The following NTMT2 variants were observed in gnomAD, a reference collection of about 807,000 sequenced individuals.
NTMT2 encodes the protein N-terminal Xaa-Pro-Lys N-methyltransferase 2.
Under a neutral mutation model 23.4 loss-of-function variants are expected in NTMT2, and 21 were observed. The observed-to-expected ratio is 0.90, with a 90% CI of 0.64 to 1.29. NTMT2 has a LOEUF of 1.29. Among genes scored for constraint, NTMT2 ranks in the 50% most tolerant of loss-of-function variants. NTMT2 has a pLI of 0.00. For synonymous variants in NTMT2, 131 were observed against 127.7 expected (o/e 1.03, Z -0.17); for missense variants, 336 against 352.0 (o/e 0.95, Z 0.36).
At chr1:170,158,494 G>T (rs1352791445) in intron 1 of NTMT2, among the ~76,000 whole-genome samples, 2 of 151,420 alleles carry the variant, frequency 1.3e-5, no homozygotes, top group Non-Finnish European at 2.9e-5. Flanking sequence ...ATGACTTTTA[G>T]ATCTTCTTAC....
chr1:170,157,184 G>A lies in NTMT2; in HGVS notation c.155-3334G>A, dbSNP rs114136464. Among the ~76,000 whole-genome samples, 1,115 of 152,228 alleles carry A rather than the reference G, an allele frequency of 7.3e-3. 13 individuals carry two copies. Among genetic ancestry groups the A allele is most frequent in the African/African-American group, 0.025 (1,057 of 41,544 alleles). On this transcript the variant is annotated intron_variant, in intron 1 of 3. Transcript: ENST00000439373. Reference sequence around the variant, plus strand: ...CGTATACCCTTTACCAAGTGCTAGGGAAGGGAGATTGGTGTTGATCCATGG... The same window carrying A: ...CGTATACCCTTTACCAAGTGCTAGGAAAGGGAGATTGGTGTTGATCCATGG...
In NTMT2 at chr1:170,160,696, G is replaced by A. The variant is rs1374129510; in HGVS notation, c.330+3G>A. 1.2e-5 allele frequency: 19 copies of A among 1,527,148 alleles called. No individual in the cohort carries two copies. Among genetic ancestry groups the A allele is most frequent in the Non-Finnish European group, 1.6e-5 (18 of 1,138,454 alleles). The allele number at this position is 1,527,148 out of a possible 1,614,324, so 94.6% of individuals were successfully genotyped here. A position where few individuals can be genotyped will look rare whatever the true frequency, so the allele number is the denominator to read the frequency against. ...AATTTCTTAGGAAATTTGTTGGGGT[G>A]AGTTATTCAACTGCAGCTTGATGAG... On this transcript the variant is annotated splice_donor_region_variant and intron_variant, in intron 2 of 3. Coordinates refer to ENST00000439373, the MANE Select transcript of NTMT2 (RefSeq NM_001136107.2).
chr1:170,166,408 T>C, intron 2 of NTMT2, 94 bp from the exon 3 acceptor site: 1 of 1,387,296 alleles, frequency 7.2e-7, no homozygotes, highest in Non-Finnish European at 9.8e-7. Flanking sequence ...CCCAAAGTGC[T>C]GGGATTACAA....
chr1:170,149,133 A>G (rs1444130080), intron 1 of NTMT2, among the ~76,000 whole-genome samples: 2 of 152,258 alleles, frequency 1.3e-5, no homozygotes, highest in Non-Finnish European at 2.9e-5. Context: ...AAAGGATTCA[A>G]ATATTAATAA....
At chr1:170,154,565 C>T (rs774950091) in intron 1 of NTMT2, among the ~76,000 whole-genome samples, 7 of 152,226 alleles carry the variant, frequency 4.6e-5, no homozygotes, top group African/African-American at 1.7e-4. Context: ...TGTGAGGGAC[C>T]TTTAACCCCT....
Position 170,148,321 on chromosome 1 carries a change from T to A in NTMT2, c.154+2060T>A, listed in dbSNP as rs139730637. On this transcript the variant is annotated intron_variant, in intron 1 of 3. Transcript: ENST00000439373. ...CCGCTACCATGCCCGGCTATTTTTT[T>A]TTTTTATTTTTAGTAGAGACGGGGT... Among the ~76,000 whole-genome samples the A allele has an allele frequency of 7.4e-3, 1,125 of 151,750 alleles. 12 individuals carry two copies. Among genetic ancestry groups the A allele is most frequent in the African/African-American group, 0.026 (1,078 of 41,364 alleles).
chr1:170,162,558 T>C (rs1309062835), intron 2 of NTMT2, among the ~76,000 whole-genome samples: 1 of 152,246 alleles, frequency 6.6e-6, no homozygotes, highest in Non-Finnish European at 1.5e-5. Context: ...TCTAAATCAG[T>C]GCTGCTGACT....
In NTMT2 at chr1:170,167,879, G is replaced by A; in HGVS notation, c.*122G>A. The A allele has an allele frequency of 1.9e-6, 2 of 1,036,152 alleles. No homozygotes were observed. The highest frequency in any genetic ancestry group is 6.0e-5 in the Admixed American group (2 of 33,452). 64.2% of individuals were successfully genotyped at this position (1,036,152 alleles called of 1,614,324 possible). ...AAGAAAAGGGATACAACATATGTCT[G>A]CAAATTATTTGTGATATAATATGTA... On this transcript the variant is annotated 3_prime_UTR_variant, in exon 4 of 4. Coordinates refer to ENST00000439373, the MANE Select transcript of NTMT2 (RefSeq NM_001136107.2).
chr1:170,152,643 G>A (rs1673092082), intron 1 of NTMT2, among the ~76,000 whole-genome samples: 1 of 152,030 alleles, frequency 6.6e-6, no homozygotes, highest in African/African-American at 2.4e-5. Flanking sequence ...CAGAGACTTG[G>A]TAATGACAGC....
intron 2 of NTMT2, among the ~76,000 whole-genome samples, chr1:170,165,307 C>T (rs1454810806): frequency 2.6e-5 from 4 of 152,202 alleles, no homozygotes; most frequent in Non-Finnish European, 5.9e-5. Flanking sequence ...ACCTCCACCA[C>T]CTTGCCATCC....
chr1:170,158,714 T>A (rs1199216478), intron 1 of NTMT2, among the ~76,000 whole-genome samples: 1 of 152,052 alleles, frequency 6.6e-6, no homozygotes, highest in African/African-American at 2.4e-5. Context: ...ATTGCTTATA[T>A]AAGTCTAGTC....
chr1:170,148,669 C>T (rs900366927), intron 1 of NTMT2, among the ~76,000 whole-genome samples: 1 of 152,200 alleles, frequency 6.6e-6, no homozygotes. Context: ...AACAAATTAA[C>T]TCTGGAATCT....
intron 2 of NTMT2, among the ~76,000 whole-genome samples, chr1:170,165,983 T>C (rs1433585430): frequency 2.0e-5 from 3 of 152,038 alleles, no homozygotes; most frequent in Admixed American, 6.5e-5. Context: ...TAATTGTATA[T>C]CTTGATTGTG....
intron 1 of NTMT2, among the ~76,000 whole-genome samples, chr1:170,156,491 A>G (rs1673166789): frequency 6.6e-6 from 1 of 152,180 alleles, no homozygotes; most frequent in Admixed American, 6.5e-5. Flanking sequence ...GAATTCAACT[A>G]ATAATGTAGA....
chr1:170,159,417 TCTG>T (rs1285070555), intron 1 of NTMT2, among the ~76,000 whole-genome samples: 1 of 120,796 alleles, frequency 8.3e-6, no homozygotes, highest in African/African-American at 3.2e-5. Context: ...TGATTTATGC[TCTG>T]GTTTTTTTTT....
Position 170,167,645 on chromosome 1 carries a change from G to C in NTMT2, c.740G>C (p.Ser247Thr). The part of the protein sequence containing the change: ...SVTRDMDILR[S>T]LIRKSGLVVL... ...ACTCGGGACATGGACATCCTCCGGA[G>C]CCTAATAAGGAAGAGTGGGCTGGTG... Residue 247 changes from serine to threonine, a missense_variant, in exon 4 of 4, where the codon AGC becomes ACC. Ser to Thr is a moderately conservative substitution (Grantham distance 58, BLOSUM62 1). Transcript: ENST00000439373. 1 of 1,551,700 alleles carries C rather than the reference G, an allele frequency of 6.4e-7. No homozygotes were observed. Among genetic ancestry groups the C allele is most frequent in the Admixed American group, 2.0e-5 (1 of 50,998 alleles).
chr1:170,164,621 A>C (rs1673336952), intron 2 of NTMT2, among the ~76,000 whole-genome samples: 1 of 152,208 alleles, frequency 6.6e-6, no homozygotes, highest in South Asian at 2.1e-4. Context: ...TGAGGCAGAC[A>C]TCACTAATCA....
chr1:170,166,734 G>T lies in NTMT2; in HGVS notation c.563G>T (p.Trp188Leu), dbSNP rs763817109. 26 of 1,552,214 alleles carry T rather than the reference G, an allele frequency of 1.7e-5. No individual in the cohort carries two copies. Among genetic ancestry groups the T allele is most frequent in the Middle Eastern group, 1.7e-4 (1 of 6,020 alleles). Residue 188 changes from tryptophan (W) to leucine (L), a missense_variant, in exon 3 of 4, where the codon TGG becomes TTG. Transcript: ENST00000439373. ...CCCTTCAGGAGATATGATGTCATCT[G>T]GATTCAGTGGGTCTCTGGTTAGTCC... is the stretch of plus-strand genomic sequence containing the variant. Reference protein sequence around the residue: ...TPPFRRYDVIWIQWVSGHLTD... With the variant: ...TPPFRRYDVILIQWVSGHLTD...
chr1:170,166,891 C>T, intron 3 of NTMT2, 140 bp downstream of exon 3: 1 of 785,990 alleles, frequency 1.3e-6, no homozygotes, highest in Non-Finnish European at 2.0e-6. Context: ...CATGTGAACT[C>T]CCACAAAACT....
Sources: gnomAD v4.1 joint callset for allele counts (sites outside exome capture counted in the v4.1 genomes callset) on GRCh38, gnomAD v4.1.1 for gene constraint, MANE v1.5 for transcripts, NCBI Gene and HGNC (gene_info 2026-07-23, HGNC 2026-07-21) for gene names.